The following AGAP1 variants were observed in gnomAD, a reference collection of about 807,000 sequenced individuals.
AGAP1 encodes ArfGAP with GTPase domain, ankyrin repeat and PH domain 1.
AGAP1 carries 29 observed loss-of-function variants against 105.3 expected under a neutral mutation model. The ratio of observed to expected loss-of-function variants is 0.28; its 90% CI spans 0.21 to 0.38. AGAP1 has a LOEUF of 0.38. Among genes scored for constraint, AGAP1 ranks in the 10% least tolerant of loss-of-function variants. The pLI is 1.00. For synonymous variants in AGAP1, 509 were observed against 485.9 expected (o/e 1.05, Z -0.63); for missense variants, 998 against 1,165.1 (o/e 0.86, Z 2.09).
At chr2:235,985,157 A>G (rs2055261716) in intron 13 of AGAP1, among the ~76,000 whole-genome samples, 1 of 152,212 alleles carries the variant, frequency 6.6e-6, no homozygotes, top group African/African-American at 2.4e-5. Flanking sequence ...AACTGGCATG[A>G]GATGGTATCT....
intron 16 of AGAP1, among the ~76,000 whole-genome samples, chr2:236,107,594 A>G (rs1038836024): frequency 1.3e-5 from 2 of 152,228 alleles, no homozygotes; most frequent in African/African-American, 4.8e-5. Flanking sequence ...GAGTGCCCCA[A>G]GTCTCAACCC....
rs1417854479 is a variant in AGAP1, at chr2:235,963,827, G to C, written c.1484-4635G>C. 2.0e-5 allele frequency among the ~76,000 whole-genome samples: 3 copies of C among 152,228 alleles called. No individual in the cohort carries two copies. The highest frequency in any genetic ancestry group is 4.4e-5 in the Non-Finnish European group (3 of 68,044). On this transcript the variant is annotated intron_variant, in intron 12 of 17. Transcript: ENST00000304032. The surrounding 1 kb of genome is among the most constrained non-coding windows in gnomAD (Gnocchi z 5.1). ...CATAGGCTTAGAACACAGAGACATA[G>C]AGTGGTGGCCTGGAATAGAGAGCCT...
chr2:235,722,779 T>C (rs1337707513), intron 3 of AGAP1, among the ~76,000 whole-genome samples: 1 of 152,086 alleles, frequency 6.6e-6, no homozygotes, highest in Admixed American at 6.5e-5. Flanking sequence ...TATATACCTG[T>C]GATGTTCTCC....
intron 1 of AGAP1, among the ~76,000 whole-genome samples, chr2:235,677,583 A>AGGAATGC (rs1211422335): frequency 1.3e-5 from 2 of 151,978 alleles, no homozygotes; most frequent in Non-Finnish European, 2.9e-5. Flanking sequence ...GTCAACACAC[A>AGGAATGC]GGAATGCTCC....
At position 235,866,296 on chromosome 2, in the gene AGAP1, C is replaced by T. The variant is rs1189440253; in HGVS notation, c.1051-17049C>T. Among the ~76,000 whole-genome samples the T allele has an allele frequency of 1.3e-5, 2 of 152,122 alleles. No individual in the cohort carries two copies. The highest frequency in any genetic ancestry group is 2.4e-5 in the African/African-American group (1 of 41,414). ...GATGTGGGAATCTGGGAGCCCGAGC[C>T]GACTCAGACAGTCCTGACTCCCCAG... On this transcript the variant is annotated intron_variant, in intron 9 of 17. Coordinates refer to ENST00000304032, the MANE Select transcript of AGAP1 (RefSeq NM_001037131.3). This position sits in a 1 kb window ranked among gnomAD's most constrained non-coding sequence, Gnocchi z 6.1.
rs1559258856 is a variant in AGAP1 at position 235,573,041 on chromosome 2, T to TC, written c.163+78193dup. Among the ~76,000 whole-genome samples the TC allele has an allele frequency of 0.02, 487 of 24,578 alleles. 100 individuals are homozygous for TC. In the East Asian group the frequency reaches 0.2, roughly 10 times the overall value. The allele number at this position is 24,578 out of a possible 152,430, so 16.1% of individuals were successfully genotyped here. On this transcript the variant is annotated intron_variant, in intron 1 of 17. Transcript: ENST00000304032. ...TTCTTCTTCTTCTTCTTCTTCTTCT[T>TC]CTTCTTCTTCTTCTTCTTCTTTCTT...
In AGAP1 at chr2:235,690,915, CTGAGGGTTTGGCA is replaced by C. The variant is rs1217032023; in HGVS notation, c.164-18263_164-18251del. On this transcript the variant is annotated intron_variant, in intron 1 of 17. Coordinates refer to ENST00000304032, the MANE Select transcript of AGAP1 (RefSeq NM_001037131.3). This position sits in a 1 kb window ranked among gnomAD's most constrained non-coding sequence, Gnocchi z 4.1. ...GCCATATAAATACTTCGGATCTGGC[CTGAGGGTTTGGCA>C]GGGATTCGTGGCTGCTATTTTAGAT... 6.6e-6 allele frequency among the ~76,000 whole-genome samples: 1 copy of C among 152,064 alleles called. No homozygotes were observed. The highest frequency in any genetic ancestry group is 1.5e-5 in the Non-Finnish European group (1 of 68,018).
At chr2:235,808,875 G>A (rs556787245) in intron 9 of AGAP1, among the ~76,000 whole-genome samples, 23 of 152,232 alleles carry the variant, frequency 1.5e-4, no homozygotes, top group Admixed American at 7.2e-4. Flanking sequence ...TCAGAGGTCC[G>A]TGCACATAGT....
intron 16 of AGAP1, among the ~76,000 whole-genome samples, chr2:236,106,252 AG>A (rs1336484186): frequency 6.6e-6 from 1 of 152,236 alleles, no homozygotes; most frequent in Non-Finnish European, 1.5e-5. Context: ...TTGAAGCCTA[AG>A]GACCGTTGGT....
At position 235,778,642 on chromosome 2, in the gene AGAP1, G is replaced by A. The variant is rs1956062815; in HGVS notation, c.674-19117G>A. On this transcript the variant is annotated intron_variant, in intron 6 of 17. Coordinates refer to ENST00000304032, the MANE Select transcript of AGAP1 (RefSeq NM_001037131.3). ...GGCTACCATGTGGCTCCCCTGACTG[G>A]AGACGCAGTGCCAGGGTCCTCATCT... Among the ~76,000 whole-genome samples the A allele has an allele frequency of 2.0e-5, 3 of 152,164 alleles. No homozygotes were observed. In the South Asian group the frequency reaches 6.2e-4, roughly 32 times the overall value.
At chr2:235,975,904 A>G (rs2054839789) in intron 13 of AGAP1, among the ~76,000 whole-genome samples, 1 of 152,186 alleles carries the variant, frequency 6.6e-6, no homozygotes, top group African/African-American at 2.4e-5. Context: ...TACAATAAGG[A>G]CTTATTAATT....
chr2:235,673,726 C>T (rs774053355), intron 1 of AGAP1, among the ~76,000 whole-genome samples: 1 of 152,182 alleles, frequency 6.6e-6, no homozygotes, highest in South Asian at 2.1e-4. Flanking sequence ...AGAAGCACCA[C>T]TGGCTTTCTG....
chr2:235,812,733 A>G (rs1242075379), intron 9 of AGAP1, among the ~76,000 whole-genome samples: 2 of 152,236 alleles, frequency 1.3e-5, no homozygotes, highest in African/African-American at 4.8e-5. Context: ...GGAGCTCCAC[A>G]GGCCTGCGGC....
At chr2:235,925,885 G>C (rs13427159) in intron 11 of AGAP1, among the ~76,000 whole-genome samples, 61,291 of 152,066 alleles carry the variant, frequency 0.4, 12,788 homozygotes, top group Admixed American at 0.49. Context: ...TATCCAGCTT[G>C]TTTCACAAAT....
intron 1 of AGAP1, among the ~76,000 whole-genome samples, chr2:235,657,823 T>C (rs917352387): frequency 3.3e-5 from 5 of 152,120 alleles, no homozygotes; most frequent in African/African-American, 1.2e-4. Flanking sequence ...AAGAGGTGAT[T>C]GAGTCAAAAT....
At chr2:235,968,103 A>G (rs2054482863) in intron 12 of AGAP1, among the ~76,000 whole-genome samples, 1 of 152,204 alleles carries the variant, frequency 6.6e-6, no homozygotes, top group Non-Finnish European at 1.5e-5. Context: ...TTTCATTTCT[A>G]ATATATCAAG....
chr2:235,552,617 A>G lies in AGAP1; in HGVS notation c.163+57768A>G, dbSNP rs1023692895. ...TGGCCAGGCACTGGGGATGCGGCGT[A>G]TGGGCAGGTGCACACACACCTGGCA... is the stretch of plus-strand genomic sequence containing the variant. On this transcript the variant is annotated intron_variant, in intron 1 of 17. Coordinates refer to ENST00000304032, the MANE Select transcript of AGAP1 (RefSeq NM_001037131.3). This position sits in a 1 kb window ranked among gnomAD's most constrained non-coding sequence, Gnocchi z 5.9. Among the ~76,000 whole-genome samples the G allele has an allele frequency of 1.3e-5, 2 of 152,152 alleles. No individual in the cohort carries two copies. The highest frequency in any genetic ancestry group is 2.4e-5 in the African/African-American group (1 of 41,444).
chr2:235,812,749 T>C (rs913441995), intron 9 of AGAP1, among the ~76,000 whole-genome samples: 3 of 152,220 alleles, frequency 2.0e-5, no homozygotes, highest in Non-Finnish European at 4.4e-5. Context: ...GCGGCCTCTC[T>C]GCGTAGGCAG....
At chr2:235,634,698 CT>C (rs1946934854) in intron 1 of AGAP1, among the ~76,000 whole-genome samples, 1 of 152,168 alleles carries the variant, frequency 6.6e-6, no homozygotes, top group Non-Finnish European at 1.5e-5. Context: ...ATTTTTGTGG[CT>C]TTTTCCTCAT....
Sources: allele counts gnomAD v4.1 joint callset (sites outside exome capture counted in the v4.1 genomes callset), GRCh38; gene constraint gnomAD v4.1.1; non-coding constraint Gnocchi (gnomAD v3.1); transcripts MANE v1.5; gene names NCBI Gene and HGNC (gene_info 2026-07-23, HGNC 2026-07-21).